The following MYO9A variants were observed in gnomAD, a reference collection of about 807,000 sequenced individuals.
MYO9A encodes the protein unconventional myosin-IXa.
Under a neutral mutation model 293.3 loss-of-function variants are expected in MYO9A, and 103 were observed. The observed-to-expected ratio is 0.35, with a 90% confidence interval of 0.30 to 0.41. The LOEUF (loss-of-function observed/expected upper bound fraction) is 0.41, where lower values mean the gene tolerates loss of function less well. MYO9A is among the 10% of genes least tolerant of loss of function. The pLI, the probability that MYO9A is intolerant of heterozygous loss-of-function variation, is 1.00. For synonymous variants in MYO9A, 1,001 were observed against 1,035.7 expected, an observed-to-expected ratio of 0.97 and a Z score of 0.64; for missense variants, 2,685 against 3,033.0, an observed-to-expected ratio of 0.89 and a Z score of 2.69.
intron 30 of MYO9A, 115 bp from the exon 31 acceptor site, chr15:71,878,346 A>C (rs934649570): frequency 1.3e-5 from 9 of 668,356 alleles, no homozygotes; most frequent in Middle Eastern, 4.2e-4. Context: ...ATCCTGATAT[A>C]ATTTCTAATG....
chr15:71,947,908 T>C (rs2058958505), intron 15 of MYO9A, among the ~76,000 whole-genome samples: 1 of 152,222 alleles, frequency 6.6e-6, no homozygotes, highest in Admixed American at 6.5e-5. Context: ...TTTCTAGGGC[T>C]CCTGTCATTT....
Position 71,931,537 on chromosome 15 carries a change from T to C in MYO9A, c.2562+2133A>G, listed in dbSNP as rs549522163. ...TTTTAAAAAATACTCTGTCTTTAAT[T>C]TTTGACAAATTGATTATAACATGTC... On this transcript the variant is annotated intron_variant, in intron 18 of 41. Coordinates refer to ENST00000356056, the MANE Select transcript of MYO9A (RefSeq NM_006901.4). Among the ~76,000 whole-genome samples, 217 of 152,274 alleles carry C rather than the reference T, an allele frequency of 1.4e-3. 1 individual carries two copies. The highest frequency in any genetic ancestry group is 2.4e-3 in the Non-Finnish European group (163 of 68,008).
At chr15:71,925,765 A>G (rs1181442616) in intron 18 of MYO9A, among the ~76,000 whole-genome samples, 1 of 152,086 alleles carries the variant, frequency 6.6e-6, no homozygotes, top group East Asian at 1.9e-4. Context: ...GACATCACTT[A>G]CCATTTTGAG....
intron 3 of MYO9A, among the ~76,000 whole-genome samples, chr15:72,029,609 G>C (rs970002805): frequency 3.3e-5 from 5 of 152,208 alleles, no homozygotes; most frequent in Non-Finnish European, 7.3e-5. Flanking sequence ...CGTATGACTA[G>C]AGAATGATAT....
chr15:71,981,639 T>TTC (rs1485033171), intron 11 of MYO9A, among the ~76,000 whole-genome samples: 30 of 134,430 alleles, frequency 2.2e-4, no homozygotes, highest in African/African-American at 8.0e-4. Flanking sequence ...TCTCTCTGTC[T>TTC]TGTCTCTCTC....
intron 18 of MYO9A, among the ~76,000 whole-genome samples, chr15:71,925,993 C>T (rs953018334): frequency 6.6e-6 from 1 of 152,168 alleles, no homozygotes; most frequent in Admixed American, 6.5e-5. Flanking sequence ...GGTGAAACAG[C>T]TGCCTCTTCC....
At chr15:72,024,040 G>A (rs1596403308) in intron 4 of MYO9A, among the ~76,000 whole-genome samples, 2 of 150,564 alleles carry the variant, frequency 1.3e-5, no homozygotes, top group South Asian at 2.1e-4. Flanking sequence ...ACGTTGAAAG[G>A]AAAAAAAAAT....
chr15:71,846,068 CTG>C (rs1491470816), intron 39 of MYO9A, among the ~76,000 whole-genome samples: 1 of 152,180 alleles, frequency 6.6e-6, no homozygotes, highest in Admixed American at 6.5e-5. Context: ...TGTATCTGCC[CTG>C]TGAGTTTGAC....
Position 72,102,968 on chromosome 15 carries a change from T to TG in MYO9A, c.-72+14711dup, listed in dbSNP as rs1409193092. On this transcript the variant is annotated intron_variant, in intron 1 of 41. Coordinates refer to ENST00000356056, the MANE Select transcript of MYO9A (RefSeq NM_006901.4). Reference sequence around the variant, plus strand: ...TCTACAGATAAATTCAAATTATATATGGTTTTTTTTGTTGTTGTTTCTTTG... The same window carrying TG: ...TCTACAGATAAATTCAAATTATATATGGGTTTTTTTTGTTGTTGTTTCTTTG... Among the ~76,000 whole-genome samples the TG allele has an allele frequency of 1.1e-4, 16 of 149,492 alleles. 1 individual carries two copies. Among genetic ancestry groups the TG allele is most frequent in the African/African-American group, 3.7e-4 (15 of 40,388 alleles).
chr15:72,087,055 C>T (rs1423571034), intron 1 of MYO9A, among the ~76,000 whole-genome samples: 1 of 152,174 alleles, frequency 6.6e-6, no homozygotes, highest in African/African-American at 2.4e-5. Context: ...CATGAGCCAC[C>T]GCCCCGGCCC....
chr15:72,058,607 A>G (rs1334155696), intron 1 of MYO9A, among the ~76,000 whole-genome samples: 1 of 152,230 alleles, frequency 6.6e-6, no homozygotes, highest in Non-Finnish European at 1.5e-5. Flanking sequence ...TATAGCAATC[A>G]GACAATGCTG....
At chr15:72,011,510 C>T (rs2077173817) in intron 6 of MYO9A, among the ~76,000 whole-genome samples, 1 of 151,810 alleles carries the variant, frequency 6.6e-6, no homozygotes, top group Admixed American at 6.6e-5. Context: ...GCCTGTAATC[C>T]CAGCTACTTG....
rs754489003 is a variant in MYO9A at position 71,880,257 on chromosome 15, T to C, written c.5622+78A>G. ...TGGAAGCATATGTAATTTTGATATC[T>C]AGAGAGTATATCCTGATATACACAA... On this transcript the variant is annotated intron_variant, in intron 29 of 41. Coordinates refer to ENST00000356056, the MANE Select transcript of MYO9A (RefSeq NM_006901.4). 111 of 1,227,102 alleles carry C rather than the reference T, an allele frequency of 9.0e-5. No homozygotes were observed. The Middle Eastern group carries it at 3.3e-3, about 36-fold the overall frequency. 76.0% of individuals were successfully genotyped at this position (1,227,102 alleles called of 1,614,324 possible).
intron 15 of MYO9A, among the ~76,000 whole-genome samples, chr15:71,945,507 G>A (rs2058890363): frequency 6.6e-6 from 1 of 152,100 alleles, no homozygotes; most frequent in Non-Finnish European, 1.5e-5. Context: ...CTAGGAGGCT[G>A]GCTGCCATAG....
chr15:72,114,527 T>C (rs1442800435), intron 1 of MYO9A: 2 of 151,712 alleles, frequency 1.3e-5, no homozygotes, highest in Non-Finnish European at 2.9e-5. Context: ...GAGGAAAGAG[T>C]GGTGCCATTA....
chr15:72,045,670 CTCAAAGGATAAAAA>C, intron 2 of MYO9A, 40 bp downstream of exon 2: 1 of 1,504,424 alleles, frequency 6.6e-7, no homozygotes, highest in Non-Finnish European at 8.8e-7. Context: ...ACCCCCCCAC[CTCAAAGGATAAAAA>C]TCAAAATTAA....
intron 1 of MYO9A, among the ~76,000 whole-genome samples, chr15:72,083,919 G>A (rs2079630548): frequency 6.6e-6 from 1 of 152,150 alleles, no homozygotes; most frequent in African/African-American, 2.4e-5. Flanking sequence ...CGAATTGTGT[G>A]GTCAATTTCA....
At chr15:71,873,864 G>A (rs1490371439) in intron 32 of MYO9A, among the ~76,000 whole-genome samples, 3 of 152,150 alleles carry the variant, frequency 2.0e-5, no homozygotes, top group Non-Finnish European at 4.4e-5. Context: ...TATATAAAGT[G>A]CCTAAACATA....
At chr15:72,102,592 C>A (rs1466470181) in intron 1 of MYO9A, among the ~76,000 whole-genome samples, 1 of 150,968 alleles carries the variant, frequency 6.6e-6, no homozygotes, top group African/African-American at 2.4e-5. Flanking sequence ...ACAGATATAT[C>A]AGAAAGCCAA....
Sources: allele counts gnomAD v4.1 joint callset (sites outside exome capture counted in the v4.1 genomes callset), GRCh38; gene constraint gnomAD v4.1.1; transcripts MANE v1.5; gene names NCBI Gene and HGNC (gene_info 2026-07-23, HGNC 2026-07-21).